Variants in USP48 observed in about 807,000 individuals in gnomAD.
The protein encoded by USP48 is ubiquitin specific peptidase 48, also known as ubiquitin carboxyl-terminal hydrolase 48.
USP48 carries 43 observed loss-of-function variants against 150.7 expected under a neutral mutation model. The observed-to-expected ratio is 0.29, with a 90% CI of 0.22 to 0.37. The LOEUF is 0.37. Among genes scored for constraint, USP48 ranks in the 10% least tolerant of loss-of-function variants. USP48 has a pLI of 1.00. For missense variants in USP48, 813 were observed against 1,249.6 expected (o/e 0.65, Z 5.27); for synonymous variants, 396 against 425.9 (o/e 0.93, Z 0.86).
intron 1 of USP48, among the ~76,000 whole-genome samples, chr1:21,771,738 G>A (rs927631563): frequency 2.0e-5 from 3 of 151,952 alleles, no homozygotes; most frequent in Admixed American, 6.6e-5. Flanking sequence ...TGACCAACAC[G>A]GAGAAACCCC....
At chr1:21,724,475 T>C (rs1396431900) in intron 11 of USP48, 3 of 356,438 alleles carry the variant, frequency 8.4e-6, no homozygotes, top group Admixed American at 4.3e-5. Context: ...CACAACCTCA[T>C]GCCCTACTGT....
intron 1 of USP48, among the ~76,000 whole-genome samples, chr1:21,766,354 C>T (rs978111230): frequency 6.6e-6 from 1 of 151,236 alleles, no homozygotes; most frequent in East Asian, 1.9e-4. Flanking sequence ...CTAGGTGACA[C>T]AGCACAAAAA....
At chr1:21,692,457 C>T (rs1166040651) in intron 23 of USP48, among the ~76,000 whole-genome samples, 1 of 152,156 alleles carries the variant, frequency 6.6e-6, no homozygotes, top group African/African-American at 2.4e-5. Flanking sequence ...AATGCTTGTT[C>T]ATGCCCCTAA....
rs749210471 is a variant in USP48, at chr1:21,704,398, C to CAA, written c.2385-8_2385-7dup. On this transcript the variant is annotated splice_region_variant and splice_polypyrimidine_tract_variant and intron_variant, in intron 19 of 26. Transcript: ENST00000308271. ...TGGGCCATATGAGAGCTATACTGTG[C>CAA]AAAAAAAAAACACAACATGCCTTAA... 4.7e-5 allele frequency: 63 copies of CAA among 1,348,282 alleles called. No individual in the cohort carries two copies. The highest frequency in any genetic ancestry group is 2.1e-4 in the Admixed American group (9 of 43,158). The allele number at this position is 1,348,282 out of a possible 1,614,324, so 83.5% of individuals were successfully genotyped here. A position where few individuals can be genotyped will look rare whatever the true frequency, so the allele number is the denominator to read the frequency against.
chr1:21,694,343 C>T (rs748600768), intron 23 of USP48, among the ~76,000 whole-genome samples: 2 of 151,688 alleles, frequency 1.3e-5, no homozygotes, highest in Admixed American at 6.6e-5. Flanking sequence ...GAGGCTGAGG[C>T]GGGTGGAAAA....
intron 25 of USP48, chr1:21,681,202 T>C: frequency 5.7e-6 from 1 of 174,252 alleles, no homozygotes; most frequent in Non-Finnish European, 1.2e-5. Context: ...CACTTTTGAC[T>C]CACACAGCAG....
At chr1:21,723,787 T>C (rs966990369) in intron 12 of USP48, 111 bp downstream of exon 12, 17 of 906,876 alleles carry the variant, frequency 1.9e-5, no homozygotes, top group Non-Finnish European at 2.7e-5. Flanking sequence ...GTAAGGAATA[T>C]TTGGTCTAGC....
chr1:21,693,826 G>A (rs148514392), intron 23 of USP48, among the ~76,000 whole-genome samples: 67 of 152,290 alleles, frequency 4.4e-4, no homozygotes, highest in African/African-American at 1.6e-3. Flanking sequence ...GTTCAACCAA[G>A]GGAAATACTG....
intron 23 of USP48, among the ~76,000 whole-genome samples, chr1:21,691,742 T>G (rs2097601684): frequency 6.6e-6 from 1 of 152,234 alleles, no homozygotes; most frequent in Admixed American, 6.5e-5. Context: ...CTGGGTCATG[T>G]TTACCTCTGG....
At chr1:21,738,618 A>G (rs1571920309) in intron 8 of USP48, among the ~76,000 whole-genome samples, 2 of 151,166 alleles carry the variant, frequency 1.3e-5, no homozygotes, top group African/African-American at 2.4e-5. Flanking sequence ...TCGGCCTCCC[A>G]AAGTGCTGGG....
intron 1 of USP48, among the ~76,000 whole-genome samples, chr1:21,764,845 T>G (rs2097858127): frequency 6.6e-6 from 1 of 152,182 alleles, no homozygotes; most frequent in Non-Finnish European, 1.5e-5. Flanking sequence ...TCATCGTGGT[T>G]GGTTCTCCTG....
chr1:21,720,979 A>G (rs2097719061), intron 14 of USP48, 57 bp downstream of exon 14: 3 of 1,594,216 alleles, frequency 1.9e-6, no homozygotes, highest in South Asian at 2.3e-5. Flanking sequence ...TGCCTGGCCC[A>G]CTTATATTTT....
Position 21,783,061 on chromosome 1 carries a change from T to C in USP48, c.-104A>G. ...TCGCCACCTGCCAGCAAGGAGGACC[T>C]GGCGCTCCTTCAGGCAGCTGGCCAG... On this transcript the variant is annotated 5_prime_UTR_variant, in exon 1 of 27. Coordinates refer to ENST00000308271, the MANE Select transcript of USP48 (RefSeq NM_032236.8). 2.2e-6 allele frequency: 3 copies of C among 1,380,232 alleles called. No homozygotes were observed. Among genetic ancestry groups the C allele is most frequent in the Non-Finnish European group, 2.8e-6 (3 of 1,070,652 alleles). The allele number at this position is 1,380,232 out of a possible 1,614,324, so 85.5% of individuals were successfully genotyped here. A position where few individuals can be genotyped will look rare whatever the true frequency, so the allele number is the denominator to read the frequency against.
At chr1:21,749,455 C>G (rs567556441) in intron 6 of USP48, among the ~76,000 whole-genome samples, 2 of 152,274 alleles carry the variant, frequency 1.3e-5, no homozygotes, top group Admixed American at 6.5e-5. Flanking sequence ...CCTAATTCCT[C>G]TCAACCCTGC....
At chr1:21,703,639 G>A (rs767365007) in intron 20 of USP48, 21 bp from the exon 21 acceptor site, 21 of 1,484,118 alleles carry the variant, frequency 1.4e-5, no homozygotes, top group Admixed American at 1.1e-4. Flanking sequence ...AAAAAAAAAA[G>A]GGAAAACAGA....
rs1358899924 is a variant in USP48 at position 21,729,687 on chromosome 1, C to T, written c.1300+17G>A. 1 of 1,611,288 alleles carries T rather than the reference C, an allele frequency of 6.2e-7. No individual in the cohort carries two copies. Among genetic ancestry groups the T allele is most frequent in the African/African-American group, 1.3e-5 (1 of 74,840 alleles). On this transcript the variant is annotated intron_variant, in intron 10 of 26. Transcript: ENST00000308271. ...TCTAAAACATTTGCCTGCTATAATCCTGGAAAACTGCTTTACCTGGAACTT... is the reference window on the plus strand; with the variant it reads ...TCTAAAACATTTGCCTGCTATAATCTTGGAAAACTGCTTTACCTGGAACTT...
rs145291997 is a variant in USP48 at position 21,736,836 on chromosome 1, A to G, written c.992-211T>C. On this transcript the variant is annotated intron_variant, in intron 8 of 26. Transcript: ENST00000308271. ...ACACTCTGAACAGCACACTGTATTA[A>G]TTCTCCAAGCCTCTGCAAAATACAC... Among the ~76,000 whole-genome samples, 209 of 152,288 alleles carry G rather than the reference A, an allele frequency of 1.4e-3. 1 individual carries two copies. The highest frequency in any genetic ancestry group is 4.9e-3 in the African/African-American group (204 of 41,558).
In USP48 at chr1:21,705,825, T is replaced by C. The variant is rs942202407; in HGVS notation, c.2286A>G (p.Arg762=). The change falls in exon 19 of 27, where the codon AGA becomes AGG. Residue 762 remains arginine (R), a synonymous_variant. Coordinates refer to ENST00000308271, the MANE Select transcript of USP48 (RefSeq NM_032236.8). ...TCCCAACTGATGACACAGGGCTGCA[T>C]CTTGTAGGCTTTCTACTCAAATGAG... ...EWRKFVRKPT[R]CSPVSSVGNS... 1 of 1,600,634 alleles carries C rather than the reference T, an allele frequency of 6.2e-7. No homozygotes were observed. Among genetic ancestry groups the C allele is most frequent in the Non-Finnish European group, 8.5e-7 (1 of 1,175,846 alleles).
intron 12 of USP48, among the ~76,000 whole-genome samples, chr1:21,722,611 G>A (rs1198542015): frequency 3.3e-5 from 5 of 150,258 alleles, no homozygotes; most frequent in South Asian, 4.2e-4. Flanking sequence ...TTGGGAGGCC[G>A]AGGCAGGTCA....
Sources: gnomAD v4.1 joint callset for allele counts (sites outside exome capture counted in the v4.1 genomes callset) on GRCh38, gnomAD v4.1.1 for gene constraint, MANE v1.5 for transcripts, NCBI Gene and HGNC (gene_info 2026-07-23, HGNC 2026-07-21) for gene names.